Variants in PPP2R3A observed in about 807,000 individuals in gnomAD.
PPP2R3A encodes the protein protein phosphatase 2 regulatory subunit B''alpha.
PPP2R3A carries 80 observed loss-of-function variants against 106.9 expected under a neutral mutation model. The ratio of observed to expected loss-of-function variants is 0.75; its 90% CI spans 0.62 to 0.90. The LOEUF (loss-of-function observed/expected upper bound fraction) is 0.90, where lower values mean the gene tolerates loss of function less well. Ranked by LOEUF, PPP2R3A falls within the 40% of genes least tolerant of loss-of-function variation. PPP2R3A has a pLI of 0.00. For missense variants in PPP2R3A, 1,386 were observed against 1,350.4 expected (o/e 1.03, Z -0.41); for synonymous variants, 483 against 468.3 (o/e 1.03, Z -0.41).
chr3:136,061,398 C>A (rs1026848256), intron 5 of PPP2R3A, among the ~76,000 whole-genome samples: 2 of 152,088 alleles, frequency 1.3e-5, no homozygotes. Flanking sequence ...GAAGCCAAGG[C>A]GGGCGGATCA....
At chr3:136,041,925 A>G (rs746590350) in intron 4 of PPP2R3A, among the ~76,000 whole-genome samples, 10 of 152,142 alleles carry the variant, frequency 6.6e-5, no homozygotes, top group Non-Finnish European at 1.3e-4. Context: ...TTAGCTAAGT[A>G]TCACAGCTTG....
chr3:136,010,803 C>T (rs1934042192), intron 2 of PPP2R3A, among the ~76,000 whole-genome samples: 5 of 152,162 alleles, frequency 3.3e-5, no homozygotes, highest in African/African-American at 1.2e-4. Context: ...CTCACAAACA[C>T]TCCTGCAGAG....
rs758340433 is a variant in PPP2R3A at position 136,078,401 on chromosome 3, C to A, written c.2579C>A (p.Ser860Tyr). The change falls in exon 7 of 14, where the codon TCT becomes TAT. Residue 860 changes from serine (S) to tyrosine (Y), a missense_variant. Ser to Tyr is a moderately radical substitution (Grantham distance 144). Coordinates refer to ENST00000264977, the MANE Select transcript of PPP2R3A (RefSeq NM_002718.5). ...AGAATATTCTACACAGTCAACAGAT[C>A]TTGGAGTGGAAAAATTACTTCGACA... The part of the protein sequence containing the change: ...IQRIFYTVNR[S>Y]WSGKITSTEI... 28 of 1,610,448 alleles carry A rather than the reference C, an allele frequency of 1.7e-5. No individual in the cohort carries two copies. Among genetic ancestry groups the A allele is most frequent in the Non-Finnish European group, 2.3e-5 (27 of 1,177,788 alleles).
chr3:136,062,388 G>A (rs1192104100), intron 5 of PPP2R3A, among the ~76,000 whole-genome samples: 1 of 152,074 alleles, frequency 6.6e-6, no homozygotes, highest in Non-Finnish European at 1.5e-5. Flanking sequence ...CATGATGGGG[G>A]AGAGGGAGGC....
intron 5 of PPP2R3A, among the ~76,000 whole-genome samples, chr3:136,064,762 G>C (rs1408757956): frequency 6.6e-6 from 1 of 152,168 alleles, no homozygotes; most frequent in Admixed American, 6.6e-5. Flanking sequence ...CTCAATGTCA[G>C]AAACAATCTC....
intron 1 of PPP2R3A, among the ~76,000 whole-genome samples, chr3:135,984,366 T>C (rs562866650): frequency 7.1e-4 from 108 of 152,326 alleles, no homozygotes; most frequent in African/African-American, 2.5e-3. Context: ...AGCCTCAGTT[T>C]CCTCATCTGT....
intron 13 of PPP2R3A, among the ~76,000 whole-genome samples, chr3:136,113,535 T>G (rs1937629725): frequency 6.6e-6 from 1 of 152,142 alleles, no homozygotes; most frequent in Non-Finnish European, 1.5e-5. Flanking sequence ...ATGCTTGTAA[T>G]CCCAGCACTT....
At chr3:136,144,630 C>T (rs1027359709) in intron 13 of PPP2R3A, among the ~76,000 whole-genome samples, 1 of 151,596 alleles carries the variant, frequency 6.6e-6, no homozygotes, top group African/African-American at 2.4e-5. Context: ...CACTTCACTC[C>T]AGACTGGGTG....
chr3:136,125,138 T>G (rs1156688562), intron 13 of PPP2R3A, among the ~76,000 whole-genome samples: 3 of 152,214 alleles, frequency 2.0e-5, no homozygotes, highest in South Asian at 2.1e-4. Context: ...CTGACCAACA[T>G]GGAGAAACCT....
At chr3:136,012,396 T>TA (rs1485292510) in intron 2 of PPP2R3A, among the ~76,000 whole-genome samples, 3 of 152,196 alleles carry the variant, frequency 2.0e-5, no homozygotes, top group African/African-American at 7.2e-5. Flanking sequence ...TTCTTTCTGT[T>TA]ATTAGTCATA....
rs1335870123 is a variant in PPP2R3A at position 136,133,232 on chromosome 3, A to G, written c.3330-11811A>G. ...TAAGAAAATGAAAAAACAGACCAGG[A>G]GAAAATATTTCCAAAACATTCTGAT... On this transcript the variant is annotated intron_variant, in intron 13 of 13. Transcript: ENST00000264977. 3.3e-5 allele frequency among the ~76,000 whole-genome samples: 5 copies of G among 152,262 alleles called. No individual in the cohort carries two copies. The South Asian group carries it at 6.2e-4, about 19-fold the overall frequency.
At chr3:136,055,281 C>T (rs1576466688) in intron 5 of PPP2R3A, 2 of 866,280 alleles carry the variant, frequency 2.3e-6, no homozygotes. Flanking sequence ...GATCACAGAC[C>T]TGAGTCTGTT....
chr3:136,140,005 C>CAAAAAA (rs370749523), intron 13 of PPP2R3A, among the ~76,000 whole-genome samples: 1 of 84,264 alleles, frequency 1.2e-5, no homozygotes, highest in Non-Finnish European at 2.3e-5. Flanking sequence ...GACTCTGTCT[C>CAAAAAA]AAAAAAAAAA....
rs1310756237 is a variant in PPP2R3A at position 136,105,840 on chromosome 3, G to T, written c.3223-376G>T. Among the ~76,000 whole-genome samples the T allele has an allele frequency of 2.0e-5, 3 of 152,160 alleles. No individual in the cohort carries two copies. In the East Asian group the frequency reaches 5.8e-4, roughly 29 times the overall value. On this transcript the variant is annotated intron_variant, in intron 12 of 13. Coordinates refer to ENST00000264977, the MANE Select transcript of PPP2R3A (RefSeq NM_002718.5). ...CTGGACGTGGTGGTACTTGCCTGTA[G>T]TCCCAGCTACTTGGGAGGCTGAGGC...
intron 4 of PPP2R3A, among the ~76,000 whole-genome samples, chr3:136,048,289 T>A (rs1331809535): frequency 6.6e-6 from 1 of 152,066 alleles, no homozygotes; most frequent in Non-Finnish European, 1.5e-5. Flanking sequence ...CATGGAACAT[T>A]TGTGCAACCA....
chr3:136,114,863 G>GACTT (rs919721139), intron 13 of PPP2R3A, among the ~76,000 whole-genome samples: 59 of 152,306 alleles, frequency 3.9e-4, no homozygotes, highest in African/African-American at 1.3e-3. Flanking sequence ...AGCTTCAAAA[G>GACTT]ACTTAAACAT....
intron 13 of PPP2R3A, among the ~76,000 whole-genome samples, chr3:136,132,205 G>A (rs1938455720): frequency 6.6e-6 from 1 of 152,020 alleles, no homozygotes; most frequent in Non-Finnish European, 1.5e-5. Flanking sequence ...CAAGAACCAG[G>A]CAAGGATGTT....
intron 8 of PPP2R3A, among the ~76,000 whole-genome samples, chr3:136,086,942 C>G (rs1255325105): frequency 6.6e-6 from 1 of 152,204 alleles, no homozygotes; most frequent in Non-Finnish European, 1.5e-5. Context: ...TGGCTCACGC[C>G]TGTATTCCTA....
intron 3 of PPP2R3A, among the ~76,000 whole-genome samples, chr3:136,031,137 T>A (rs935234467): frequency 6.6e-6 from 1 of 152,110 alleles, no homozygotes; most frequent in Non-Finnish European, 1.5e-5. Context: ...ATCTACTGTT[T>A]TATTTTGTTT....
Sources: gnomAD v4.1 joint callset for allele counts (sites outside exome capture counted in the v4.1 genomes callset) on GRCh38, gnomAD v4.1.1 for gene constraint, MANE v1.5 for transcripts, NCBI Gene and HGNC (gene_info 2026-07-23, HGNC 2026-07-21) for gene names.